Variants in OPCML observed in about 807,000 individuals in gnomAD.
OPCML encodes opioid-binding protein/cell adhesion molecule.
In OPCML, 13 loss-of-function variants were observed where a neutral mutation model predicts 37.8. That is an observed-to-expected ratio of 0.34 (90% CI 0.22 to 0.55). The LOEUF (loss-of-function observed/expected upper bound fraction) is 0.55, where lower values mean the gene tolerates loss of function less well. OPCML is among the 20% of genes least tolerant of loss of function. The pLI is 0.91. For synonymous variants in OPCML, 176 were observed against 168.8 expected, an observed-to-expected ratio of 1.04 and a Z score of -0.33; for missense variants, 341 against 435.6, an observed-to-expected ratio of 0.78 and a Z score of 1.93.
At chr11:133,434,946 G>A (rs183463528) in intron 1 of OPCML, among the ~76,000 whole-genome samples, 3 of 150,890 alleles carry the variant, frequency 2.0e-5, no homozygotes, top group Admixed American at 1.3e-4. Flanking sequence ...AGACATGAAA[G>A]GTCCACCATA....
chr11:132,706,574 G>T (rs1944042038), intron 2 of OPCML, among the ~76,000 whole-genome samples: 1 of 152,094 alleles, frequency 6.6e-6, no homozygotes, highest in African/African-American at 2.4e-5. Context: ...TGATTAAGAG[G>T]TAAAAGGTCT....
intron 3 of OPCML, among the ~76,000 whole-genome samples, chr11:132,623,942 C>T (rs1015918101): frequency 1.3e-5 from 2 of 152,170 alleles, no homozygotes; most frequent in African/African-American, 2.4e-5. Context: ...GACCATTAGT[C>T]GTGTTGGATG....
At chr11:133,043,643 C>A (rs1408008834) in intron 1 of OPCML, among the ~76,000 whole-genome samples, 1 of 152,220 alleles carries the variant, frequency 6.6e-6, no homozygotes, top group African/African-American at 2.4e-5. Flanking sequence ...CTTTCCCATG[C>A]AGAGCCTTCC....
At chr11:132,480,494 A>G (rs1343957083) in intron 4 of OPCML, among the ~76,000 whole-genome samples, 1 of 152,190 alleles carries the variant, frequency 6.6e-6, no homozygotes, top group Non-Finnish European at 1.5e-5. Flanking sequence ...GCAGGCCAAC[A>G]TTCAGATTCA....
chr11:133,223,207 C>A (rs115481001), intron 1 of OPCML, among the ~76,000 whole-genome samples: 1 of 152,110 alleles, frequency 6.6e-6, no homozygotes, highest in African/African-American at 2.4e-5. Context: ...CTGTCTTCAC[C>A]GCCCAGTGCA....
intron 1 of OPCML, among the ~76,000 whole-genome samples, chr11:133,427,492 G>A (rs1413539435): frequency 1.3e-5 from 2 of 151,922 alleles, no homozygotes; most frequent in Non-Finnish European, 2.9e-5. Flanking sequence ...AATCTTAAAT[G>A]CTTTACTATT....
rs544180992 is a variant in OPCML at position 132,965,140 on chromosome 11, C to T, written c.62-22130G>A. Among the ~76,000 whole-genome samples the T allele has an allele frequency of 1.2e-4, 18 of 152,314 alleles. No individual in the cohort carries two copies. The South Asian group carries it at 2.3e-3, about 19-fold the overall frequency. On this transcript the variant is annotated intron_variant, in intron 1 of 7. Transcript: ENST00000524381. Reference sequence around the variant, plus strand: ...AGCAGAGTTCAGATCTTCACCCTATCGCTTGTAAGCTGTGCAACCTAGGGA... The same window carrying T: ...AGCAGAGTTCAGATCTTCACCCTATTGCTTGTAAGCTGTGCAACCTAGGGA...
chr11:133,000,836 G>A (rs1946985305), intron 1 of OPCML, among the ~76,000 whole-genome samples: 1 of 152,194 alleles, frequency 6.6e-6, no homozygotes, highest in African/African-American at 2.4e-5. Context: ...TCTGTCTCAT[G>A]GGGGCGAGTT....
chr11:133,183,171 G>C (rs929078474), intron 1 of OPCML, among the ~76,000 whole-genome samples: 3 of 152,132 alleles, frequency 2.0e-5, no homozygotes, highest in African/African-American at 7.2e-5. Flanking sequence ...GGGATTTCTA[G>C]GTAGACCTGA....
At chr11:133,516,352 G>T (rs1428916472) in intron 1 of OPCML, among the ~76,000 whole-genome samples, 1 of 152,138 alleles carries the variant, frequency 6.6e-6, no homozygotes. Context: ...TCACAGCCAG[G>T]GGCTTCGGAG....
chr11:132,814,235 G>A (rs910933897), intron 2 of OPCML, among the ~76,000 whole-genome samples: 3 of 152,154 alleles, frequency 2.0e-5, no homozygotes, highest in Admixed American at 6.5e-5. Context: ...TTCAGTCAAG[G>A]TTCTTCAGAG....
At chr11:133,289,386 G>C (rs1345763149) in intron 1 of OPCML, among the ~76,000 whole-genome samples, 3 of 150,928 alleles carry the variant, frequency 2.0e-5, no homozygotes, top group Non-Finnish European at 4.4e-5. Context: ...ACGAGGTCAG[G>C]AGATCGAGAC....
chr11:132,502,754 G>C (rs564592316), intron 4 of OPCML, among the ~76,000 whole-genome samples: 1 of 152,286 alleles, frequency 6.6e-6, no homozygotes, highest in Admixed American at 6.5e-5. Context: ...TAATTAAGTA[G>C]CAGTAAAATG....
intron 4 of OPCML, among the ~76,000 whole-genome samples, chr11:132,465,316 C>T (rs375263247): frequency 7.2e-5 from 11 of 152,148 alleles, no homozygotes; most frequent in Non-Finnish European, 1.2e-4. Context: ...TTTCACTCTC[C>T]GCTAGGGTAC....
In OPCML at chr11:132,436,958, C is replaced by A. The variant is rs1025485257; in HGVS notation, c.644-179G>T. 7.1e-5 allele frequency: 69 copies of A among 966,190 alleles called. 1 individual carries two copies. The Middle Eastern group carries it at 1.6e-3, about 22-fold the overall frequency. The allele number at this position is 966,190 out of a possible 1,614,324, so 59.9% of individuals were successfully genotyped here. On this transcript the variant is annotated intron_variant, in intron 5 of 7. Transcript: ENST00000524381. ...AGGAAAAATAAGCTGCTTGAAGATA[C>A]TGCATTGACCCCAACCTCTTTTTCA...
chr11:133,427,102 T>C (rs1946018366), intron 1 of OPCML, among the ~76,000 whole-genome samples: 1 of 152,070 alleles, frequency 6.6e-6, no homozygotes, highest in Non-Finnish European at 1.5e-5. Context: ...ATAGATAACT[T>C]GGTAATGTAA....
At chr11:132,606,578 T>G (rs927257293) in intron 3 of OPCML, among the ~76,000 whole-genome samples, 1 of 151,780 alleles carries the variant, frequency 6.6e-6, no homozygotes, top group African/African-American at 2.4e-5. Flanking sequence ...CACCTCCACT[T>G]TCTGTCTCTA....
At chr11:133,054,279 C>T (rs537609388) in intron 1 of OPCML, among the ~76,000 whole-genome samples, 16 of 152,296 alleles carry the variant, frequency 1.1e-4, no homozygotes, top group African/African-American at 3.9e-4. Flanking sequence ...TTCTATTATA[C>T]CTGTCATCAA....
chr11:132,846,560 G>A (rs1022395212), intron 2 of OPCML, among the ~76,000 whole-genome samples: 5 of 152,142 alleles, frequency 3.3e-5, no homozygotes, highest in African/African-American at 9.7e-5. Flanking sequence ...ACTCCACCAC[G>A]GTAACATTCA....
Sources: gnomAD v4.1 joint callset for allele counts (sites outside exome capture counted in the v4.1 genomes callset) on GRCh38, gnomAD v4.1.1 for gene constraint, MANE v1.5 for transcripts, NCBI Gene and HGNC (gene_info 2026-07-23, HGNC 2026-07-21) for gene names.